Variants in ZFHX4 observed in about 807,000 individuals in gnomAD.
The protein encoded by ZFHX4 is zinc finger homeobox 4.
ZFHX4 carries 56 observed loss-of-function variants against 267.6 expected under a neutral mutation model. That is an observed-to-expected ratio of 0.21 (90% CI 0.17 to 0.26). ZFHX4 has a LOEUF of 0.26. Ranked by LOEUF, ZFHX4 falls within the 10% of genes least tolerant of loss-of-function variation. The pLI is 1.00. For synonymous variants in ZFHX4, 1,778 were observed against 1,665.6 expected (o/e 1.07, Z -1.64); for missense variants, 4,332 against 4,420.0 (o/e 0.98, Z 0.56).
chr8:76,681,828 C>T (rs892021728), intron 1 of ZFHX4, among the ~76,000 whole-genome samples: 4 of 152,054 alleles, frequency 2.6e-5, no homozygotes, highest in Non-Finnish European at 5.9e-5. Context: ...CCGCTCTGCC[C>T]CCCTTTTCTA....
At chr8:76,758,609 C>A (rs1809827389) in intron 3 of ZFHX4, among the ~76,000 whole-genome samples, 1 of 152,134 alleles carries the variant, frequency 6.6e-6, no homozygotes, top group Non-Finnish European at 1.5e-5. Flanking sequence ...ATCCTCCAGC[C>A]TCAGCCTCCC....
In ZFHX4 at chr8:76,706,736, C is replaced by T. The variant is rs1477219497; in HGVS notation, c.2590+58C>T. On this transcript the variant is annotated intron_variant, in intron 2 of 10. Transcript: ENST00000651372. ...AGTTTCTAATCACATTTTGATTTGG[C>T]GTGATGCACCCAGATAAAATGGTGA... is the stretch of plus-strand genomic sequence containing the variant. The T allele has an allele frequency of 5.5e-6, 8 of 1,453,926 alleles. No individual in the cohort carries two copies. The East Asian group carries it at 9.9e-5, about 18-fold the overall frequency. 90.1% of individuals were successfully genotyped at this position (1,453,926 alleles called of 1,614,324 possible). A position where few individuals can be genotyped will look rare whatever the true frequency, so the allele number is the denominator to read the frequency against.
At position 76,857,809 on chromosome 8, in the gene ZFHX4, A is replaced by G. The variant is rs530066723; in HGVS notation, c.9379+1509A>G. 1.2e-4 allele frequency among the ~76,000 whole-genome samples: 18 copies of G among 152,028 alleles called. No individual in the cohort carries two copies. In the South Asian group the frequency reaches 2.7e-3, roughly 23 times the overall value. ...GTTGTACATTTTATTTAAGTAAAAT[A>G]CAAGTGTTTGAAGAATAATGCAATG... On this transcript the variant is annotated intron_variant, in intron 10 of 10. Transcript: ENST00000651372.
rs76950838 is a variant in ZFHX4, at chr8:76,731,856, C to CATTATTATTATTATTATT, written c.3093+23827_3093+23844dup. ...TTATGTGACAGTTGTTGGTGCCACA[C>CATTATTATTATTATTATT]ATTATTATTATTATTATTATTATTA... On this transcript the variant is annotated intron_variant, in intron 3 of 10. Transcript: ENST00000651372. Among the ~76,000 whole-genome samples the CATTATTATTATTATTATT allele has an allele frequency of 5.1e-3, 740 of 143,822 alleles. 14 individuals are homozygous for CATTATTATTATTATTATT. The highest frequency in any genetic ancestry group is 0.034 in the Admixed American group (478 of 14,080). The allele number at this position is 143,822 out of a possible 152,430, so 94.4% of individuals were successfully genotyped here. A position where few individuals can be genotyped will look rare whatever the true frequency, so the allele number is the denominator to read the frequency against.
rs554178494 is a variant in ZFHX4, at chr8:76,772,460, G to C, written c.3094-5748G>C. 2.0e-5 allele frequency among the ~76,000 whole-genome samples: 3 copies of C among 152,208 alleles called. No homozygotes were observed. In the East Asian group the frequency reaches 5.8e-4, roughly 29 times the overall value. ...CACAAACATAATTAATAGTGGGTAA[G>C]GAAGACTGAGTAAGAGGGTTAAGAG... On this transcript the variant is annotated intron_variant, in intron 3 of 10. Coordinates refer to ENST00000651372, the MANE Select transcript of ZFHX4 (RefSeq NM_024721.5).
intron 3 of ZFHX4, among the ~76,000 whole-genome samples, chr8:76,771,737 C>T (rs1810269055): frequency 6.6e-6 from 1 of 152,128 alleles, no homozygotes; most frequent in Non-Finnish European, 1.5e-5. Context: ...CTTTTCAAGA[C>T]ACTGTGGTTA....
At chr8:76,814,052 C>T (rs546613093) in intron 4 of ZFHX4, among the ~76,000 whole-genome samples, 108 of 151,984 alleles carry the variant, frequency 7.1e-4, no homozygotes, top group African/African-American at 2.4e-3. Context: ...GCTATTCTTC[C>T]GTAACATTGT....
At position 76,850,290 on chromosome 8, in the gene ZFHX4, G is replaced by A. The variant is rs1189456141; in HGVS notation, c.3892G>A (p.Ala1298Thr). 9 of 1,613,218 alleles carry A rather than the reference G, an allele frequency of 5.6e-6. No homozygotes were observed. In the East Asian group the frequency reaches 1.3e-4, roughly 24 times the overall value. Residue 1298 changes from alanine (A) to threonine (T), a missense_variant, in exon 9 of 11, where the codon GCA becomes ACA. This residue lies in a region of ZFHX4 where 1,371 missense variants were observed against 1,423.1 expected (regional missense o/e 0.96). Coordinates refer to ENST00000651372, the MANE Select transcript of ZFHX4 (RefSeq NM_024721.5). ...VMMPNSMLLP[A>T]AASEKSERDT... Reference sequence around the variant, plus strand: ...GATGCCAAACAGTATGCTACTGCCAGCAGCTGCCTCTGAGAAATCAGAGCG... The same window carrying A: ...GATGCCAAACAGTATGCTACTGCCAACAGCTGCCTCTGAGAAATCAGAGCG...
chr8:76,727,239 T>C (rs1205419926), intron 3 of ZFHX4, among the ~76,000 whole-genome samples: 1 of 152,126 alleles, frequency 6.6e-6, no homozygotes, highest in Non-Finnish European at 1.5e-5. Flanking sequence ...AAGGAGCCTC[T>C]TTCTGCTGGA....
At chr8:76,837,968 C>T (rs970212197) in intron 5 of ZFHX4, among the ~76,000 whole-genome samples, 18 of 152,040 alleles carry the variant, frequency 1.2e-4, no homozygotes, top group Non-Finnish European at 1.9e-4. Flanking sequence ...TTGTGCTCAC[C>T]AATTTGTGTA....
intron 3 of ZFHX4, among the ~76,000 whole-genome samples, chr8:76,772,936 A>G (rs1007608204): frequency 6.6e-6 from 1 of 152,168 alleles, no homozygotes; most frequent in African/African-American, 2.4e-5. Flanking sequence ...AGTGGTACCC[A>G]GAGGTGCCTT....
intron 4 of ZFHX4, 59 bp downstream of exon 4, chr8:76,778,498 C>A: frequency 7.6e-7 from 1 of 1,315,090 alleles, no homozygotes; most frequent in Non-Finnish European, 1.1e-6. Context: ...TCATCACACA[C>A]ACACACACAC....
At chr8:76,688,689 G>A (rs1041863855) in intron 1 of ZFHX4, among the ~76,000 whole-genome samples, 5 of 152,048 alleles carry the variant, frequency 3.3e-5, no homozygotes, top group Admixed American at 3.3e-4. Context: ...TTCAAAGATC[G>A]GAATTGGTTC....
At chr8:76,858,174 C>T (rs949775095) in intron 10 of ZFHX4, among the ~76,000 whole-genome samples, 5 of 152,098 alleles carry the variant, frequency 3.3e-5, no homozygotes, top group East Asian at 3.8e-4. Context: ...CTGATATGGG[C>T]GCCCAGAGGG....
At chr8:76,703,999 A>G in intron 1 of ZFHX4, 44 bp from the exon 2 acceptor site, 1 of 1,267,578 alleles carries the variant, frequency 7.9e-7, no homozygotes, top group Non-Finnish European at 1.1e-6. Context: ...GAGCTGTGTC[A>G]TTATTTAATA....
rs773749416 is a variant in ZFHX4 at position 76,849,521 on chromosome 8, T to C, written c.3655T>C (p.Cys1219Arg). Reference protein sequence around the residue: ...NKFCHEQFYQCPYCNYNSRDQ... With the variant: ...NKFCHEQFYQRPYCNYNSRDQ... ...ATTCAATATTTTCCAGTTCTATCAA[T>C]GTCCTTATTGTAACTACAATAGTAG... The change falls in exon 8 of 11, where the codon TGT (cysteine) becomes CGT (arginine). Residue 1219 changes from cysteine (C) to arginine (R), a missense_variant. Physicochemically the swap from Cys to Arg is radical, Grantham distance 180. Around this residue, in one of 7 missense-constraint regions of ZFHX4, gnomAD observed 1,371 missense variants for 1,423.1 expected, o/e 0.96. Transcript: ENST00000651372. 23 of 1,613,144 alleles carry C rather than the reference T, an allele frequency of 1.4e-5. No homozygotes were observed. The highest frequency in any genetic ancestry group is 2.0e-5 in the Non-Finnish European group (23 of 1,179,092).
chr8:76,854,055 C>T lies in ZFHX4; in HGVS notation c.7134C>T (p.Ala2378=), dbSNP rs1812629345. ...CGGATGCAGCTAAAAACGCTGCTGC[C>T]CCTGCAGCAAGTTCTGGCTCTGGGA... The part of the protein sequence containing the change: ...GQTDAAKNAA[A]PAASSGSGTS... The change falls in exon 10 of 11, where the codon GCC becomes GCT. Residue 2378 remains alanine, a synonymous_variant. Coordinates refer to ENST00000651372, the MANE Select transcript of ZFHX4 (RefSeq NM_024721.5). The T allele has an allele frequency of 6.2e-7, 1 of 1,613,878 alleles. No homozygotes were observed. The highest frequency in any genetic ancestry group is 8.5e-7 in the Non-Finnish European group (1 of 1,179,856).
chr8:76,810,427 C>G (rs1811348197), intron 4 of ZFHX4, among the ~76,000 whole-genome samples: 1 of 152,128 alleles, frequency 6.6e-6, no homozygotes, highest in South Asian at 2.1e-4. Context: ...TTGAACCCTG[C>G]TGAAGTGATG....
intron 3 of ZFHX4, among the ~76,000 whole-genome samples, chr8:76,764,368 A>G (rs997595640): frequency 1.8e-4 from 28 of 152,148 alleles, no homozygotes; most frequent in African/African-American, 6.3e-4. Flanking sequence ...GTGTTTATTT[A>G]TGCTAGTCAG....
Sources: allele counts gnomAD v4.1 joint callset (sites outside exome capture counted in the v4.1 genomes callset), GRCh38; gene constraint gnomAD v4.1.1; regional missense constraint gnomAD v4.1.1; transcripts MANE v1.5; gene names NCBI Gene and HGNC (gene_info 2026-07-23, HGNC 2026-07-21).